Variants in ROBO2 observed in about 807,000 individuals in gnomAD.
ROBO2 encodes roundabout homolog 2.
Under a neutral mutation model 160.8 loss-of-function variants are expected in ROBO2, and 53 were observed. The ratio of observed to expected loss-of-function variants is 0.33; its 90% CI spans 0.26 to 0.41. The LOEUF (loss-of-function observed/expected upper bound fraction) is 0.41. Ranked by LOEUF, ROBO2 falls within the 10% of genes least tolerant of loss-of-function variation. The pLI is 1.00. For synonymous variants in ROBO2, 664 were observed against 611.7 expected, an observed-to-expected ratio of 1.09 and a Z score of -1.26; for missense variants, 1,577 against 1,722.4, an observed-to-expected ratio of 0.92 and a Z score of 1.49.
At chr3:76,771,967 A>G (rs1183839589) in intron 2 of ROBO2, among the ~76,000 whole-genome samples, 1 of 151,336 alleles carries the variant, frequency 6.6e-6, no homozygotes. Context: ...TATTGAAGGT[A>G]CAAATATTAT....
intron 2 of ROBO2, among the ~76,000 whole-genome samples, chr3:77,456,594 C>T (rs1382751665): frequency 1.3e-5 from 2 of 152,176 alleles, no homozygotes; most frequent in African/African-American, 4.8e-5. Context: ...ACAGACTTCT[C>T]TTCATTCTGA....
chr3:76,931,108 A>C (rs1038480711), intron 2 of ROBO2, among the ~76,000 whole-genome samples: 1 of 152,204 alleles, frequency 6.6e-6, no homozygotes, highest in African/African-American at 2.4e-5. Flanking sequence ...TAAAGGAACA[A>C]AGAGAAGGAA....
At chr3:77,292,182 G>A (rs1175817624) in intron 2 of ROBO2, among the ~76,000 whole-genome samples, 1 of 150,392 alleles carries the variant, frequency 6.6e-6, no homozygotes, top group Non-Finnish European at 1.5e-5. Context: ...GATCACGCCA[G>A]ACATAAAGTA....
intron 2 of ROBO2, among the ~76,000 whole-genome samples, chr3:77,469,825 ACACATCTTGAAGGAGAG>A (rs2083170800): frequency 6.6e-6 from 1 of 152,194 alleles, no homozygotes; most frequent in Admixed American, 6.5e-5. Flanking sequence ...GGGGTGCAGC[ACACATCTTGAAGGAGAG>A]CACATCAATT....
At chr3:76,557,326 G>C (rs1038741934) in intron 2 of ROBO2, among the ~76,000 whole-genome samples, 2 of 151,874 alleles carry the variant, frequency 1.3e-5, no homozygotes, top group African/African-American at 4.8e-5. Flanking sequence ...CCTAAAGATT[G>C]CATCTAAAAA....
At chr3:77,409,066 T>TAC (rs2153519356) in intron 2 of ROBO2, among the ~76,000 whole-genome samples, 1 of 148,568 alleles carries the variant, frequency 6.7e-6, no homozygotes, top group African/African-American at 2.5e-5. Flanking sequence ...AAAAGAATTG[T>TAC]TTATGCTAGC....
chr3:76,217,583 G>GA (rs751283924), intron 2 of ROBO2, among the ~76,000 whole-genome samples: 3 of 152,122 alleles, frequency 2.0e-5, no homozygotes, highest in Non-Finnish European at 4.4e-5. Context: ...TAAATTCCTC[G>GA]AAACATACAC....
At chr3:75,914,521 A>G (rs77614323) in intron 1 of ROBO2, among the ~76,000 whole-genome samples, 2,159 of 152,308 alleles carry the variant, frequency 0.014, 28 homozygotes, top group Admixed American at 0.026. Context: ...ACATTTAACA[A>G]TGTCGAAGAA....
chr3:76,373,778 A>G (rs1472531230), intron 2 of ROBO2, among the ~76,000 whole-genome samples: 2 of 152,026 alleles, frequency 1.3e-5, no homozygotes, highest in East Asian at 1.9e-4. Flanking sequence ...ATCATTGTTC[A>G]TGAGTCTGTT....
intron 2 of ROBO2, among the ~76,000 whole-genome samples, chr3:77,329,865 A>G (rs2065809278): frequency 6.6e-6 from 1 of 152,272 alleles, no homozygotes; most frequent in South Asian, 2.1e-4. Flanking sequence ...GCTAATACCT[A>G]TGTATGCTTA....
At chr3:76,142,928 C>T (rs567580893) in intron 2 of ROBO2, among the ~76,000 whole-genome samples, 59 of 151,766 alleles carry the variant, frequency 3.9e-4, no homozygotes, top group Non-Finnish European at 1.3e-4. Flanking sequence ...AACACACACA[C>T]TTACTATGTA....
At chr3:77,236,663 A>G (rs1287270251) in intron 2 of ROBO2, among the ~76,000 whole-genome samples, 1 of 152,106 alleles carries the variant, frequency 6.6e-6, no homozygotes, top group Non-Finnish European at 1.5e-5. Flanking sequence ...GAATAATTCC[A>G]CTGTCCTAAA....
chr3:77,279,363 C>T (rs2060098449), intron 2 of ROBO2, among the ~76,000 whole-genome samples: 1 of 152,008 alleles, frequency 6.6e-6, no homozygotes, highest in Non-Finnish European at 1.5e-5. Context: ...GCAAATGACT[C>T]ACAATGAAGT....
rs149752072 is a variant in ROBO2, at chr3:76,264,248, A to G, written c.109+326646A>G. Among the ~76,000 whole-genome samples the G allele has an allele frequency of 8.0e-4, 122 of 152,254 alleles. No homozygotes were observed. The East Asian group carries it at 0.023, about 29-fold the overall frequency. On this transcript the variant is annotated intron_variant, in intron 2 of 26. Transcript: ENST00000487694. ...ACTGAAAGTGAAATTAAAAAAAAAT[A>G]AAGAACTAAAATATTAGTTACGCCA...
intron 2 of ROBO2, among the ~76,000 whole-genome samples, chr3:76,066,587 A>G (rs1355601763): frequency 6.6e-6 from 1 of 152,048 alleles, no homozygotes; most frequent in Non-Finnish European, 1.5e-5. Flanking sequence ...TTTTAAGGAT[A>G]TTAGAATCCA....
chr3:76,995,584 C>T (rs1313355802), intron 2 of ROBO2, among the ~76,000 whole-genome samples: 2 of 152,244 alleles, frequency 1.3e-5, no homozygotes, highest in African/African-American at 4.8e-5. Flanking sequence ...AAAAGTGTTC[C>T]TATTTCTCCA....
chr3:76,489,546 A>T (rs2079698438), intron 2 of ROBO2, among the ~76,000 whole-genome samples: 1 of 152,204 alleles, frequency 6.6e-6, no homozygotes, highest in Non-Finnish European at 1.5e-5. Flanking sequence ...GTAAGTAAGT[A>T]GTAAGAAGTT....
intron 2 of ROBO2, among the ~76,000 whole-genome samples, chr3:77,160,180 G>A (rs7428863): frequency 0.43 from 65,591 of 151,822 alleles, 14,546 homozygotes; most frequent in Middle Eastern, 0.58. Context: ...TACAAAACAC[G>A]ATTTTCAATG....
chr3:77,566,153 T>C (rs945552755), intron 12 of ROBO2, among the ~76,000 whole-genome samples: 12 of 152,062 alleles, frequency 7.9e-5, no homozygotes, highest in Non-Finnish European at 1.5e-4. Flanking sequence ...GTAACTAGCA[T>C]GCTATTATAA....
Sources: allele counts gnomAD v4.1 joint callset (sites outside exome capture counted in the v4.1 genomes callset), GRCh38; gene constraint gnomAD v4.1.1; transcripts MANE v1.5; gene names NCBI Gene and HGNC (gene_info 2026-07-23, HGNC 2026-07-21).